Variants in RNF43 observed in about 807,000 individuals in gnomAD.
RNF43 encodes the protein E3 ubiquitin-protein ligase RNF43.
Under a neutral mutation model 78.4 loss-of-function variants are expected in RNF43, and 37 were observed. The ratio of observed to expected loss-of-function variants is 0.47; its 90% confidence interval spans 0.36 to 0.62. RNF43 has a LOEUF of 0.62. Ranked by LOEUF, RNF43 falls within the 20% of genes least tolerant of loss-of-function variation. The pLI, the probability that RNF43 is intolerant of heterozygous loss-of-function variation, is 0.00. For missense variants in RNF43, 774 were observed against 1,007.9 expected (o/e 0.77, Z 3.14); for synonymous variants, 347 against 395.0 (o/e 0.88, Z 1.44).
intron 2 of RNF43, among the ~76,000 whole-genome samples, chr17:58,381,362 C>T (rs1295183513): frequency 1.3e-5 from 2 of 152,340 alleles, no homozygotes; most frequent in Admixed American, 6.5e-5. Context: ...CCTTTGACCA[C>T]AGCTCTGAAT....
rs575697996 is a variant in RNF43, at chr17:58,391,100, C to G, written c.253-20067G>C. On this transcript the variant is annotated intron_variant, in intron 2 of 9. Transcript: ENST00000407977. ...CAGGGCCCAGCATTGTGCCTTGCAC[C>G]AGGGTTTAGTAATACTGAGTAATTG... Among the ~76,000 whole-genome samples, 210 of 152,238 alleles carry G rather than the reference C, an allele frequency of 1.4e-3. 1 individual carries two copies. The highest frequency in any genetic ancestry group is 0.014 in the Middle Eastern group (4 of 294).
At chr17:58,375,254 G>A (rs967845239) in intron 2 of RNF43, among the ~76,000 whole-genome samples, 1 of 152,048 alleles carries the variant, frequency 6.6e-6, no homozygotes, top group Non-Finnish European at 1.5e-5. Context: ...CTCTTACAAG[G>A]CTCCTCATAG....
At chr17:58,399,938 C>A (rs1567893745) in intron 2 of RNF43, among the ~76,000 whole-genome samples, 2 of 152,056 alleles carry the variant, frequency 1.3e-5, no homozygotes, top group African/African-American at 4.8e-5. Context: ...CCGCACCCAG[C>A]CAATAGCAGC....
At chr17:58,381,071 T>C (rs1323265498) in intron 2 of RNF43, among the ~76,000 whole-genome samples, 1 of 152,204 alleles carries the variant, frequency 6.6e-6, no homozygotes, top group Non-Finnish European at 1.5e-5. Flanking sequence ...ACACACAATA[T>C]TGTATTTACA....
chr17:58,412,941 C>A (rs1974052487), intron 2 of RNF43, among the ~76,000 whole-genome samples: 1 of 151,742 alleles, frequency 6.6e-6, no homozygotes, highest in African/African-American at 2.4e-5. Flanking sequence ...TAACAGGTAA[C>A]TACAACAATT....
chr17:58,381,385 G>A (rs1973314329), intron 2 of RNF43, among the ~76,000 whole-genome samples: 1 of 152,198 alleles, frequency 6.6e-6, no homozygotes, highest in Non-Finnish European at 1.5e-5. Flanking sequence ...TTGTCCATGC[G>A]GTGGCCCTAG....
intron 3 of RNF43, among the ~76,000 whole-genome samples, chr17:58,368,812 T>G (rs533589885): frequency 6.6e-6 from 1 of 152,264 alleles, no homozygotes; most frequent in East Asian, 1.9e-4. Context: ...TGTATTAACA[T>G]GTTGAACTAA....
chr17:58,365,992 T>A (rs1386931109), intron 3 of RNF43, among the ~76,000 whole-genome samples: 1 of 152,204 alleles, frequency 6.6e-6, no homozygotes, highest in African/African-American at 2.4e-5. Flanking sequence ...TCTCTGGGCC[T>A]TAGATTTTCT....
chr17:58,379,304 C>T (rs1973266817), intron 2 of RNF43, among the ~76,000 whole-genome samples: 1 of 152,154 alleles, frequency 6.6e-6, no homozygotes, highest in East Asian at 1.9e-4. Context: ...TTGTGCTCTG[C>T]CTCCCAGCCT....
chr17:58,382,956 T>G (rs191452033), intron 2 of RNF43, among the ~76,000 whole-genome samples: 55 of 152,330 alleles, frequency 3.6e-4, no homozygotes, highest in African/African-American at 1.3e-3. Flanking sequence ...TTAAGTTATT[T>G]TTTGAGAGAA....
intron 2 of RNF43, among the ~76,000 whole-genome samples, chr17:58,401,314 CTAG>C (rs1189628042): frequency 6.6e-6 from 1 of 152,220 alleles, no homozygotes; most frequent in Non-Finnish European, 1.5e-5. Flanking sequence ...ATCTGGAGAA[CTAG>C]TGGTACTAGT....
At chr17:58,362,964 G>A (rs528011703) in intron 5 of RNF43, among the ~76,000 whole-genome samples, 3 of 152,244 alleles carry the variant, frequency 2.0e-5, no homozygotes, top group Non-Finnish European at 4.4e-5. Flanking sequence ...TTCTTGGCCA[G>A]TAGAGAAGCC....
At chr17:58,402,556 A>G (rs1244155662) in intron 2 of RNF43, 1 of 152,228 alleles carries the variant, frequency 6.6e-6, no homozygotes, top group Non-Finnish European at 1.5e-5. Flanking sequence ...GATATTTAAG[A>G]GGGAGCCAAA....
At position 58,358,221 on chromosome 17, in the gene RNF43, G is replaced by A. The variant is rs747063415; in HGVS notation, c.1555C>T (p.Arg519Ter). ...VYCSPKGDPQ[R>*]VDMQPSVTSR... is the part of the protein sequence containing the mutation. ...GTCACACTAGGCTGCATGTCCACTC[G>A]CTGGGGATCCCCTTTAGGGCTGCAG... The change falls in exon 9 of 10, where the codon CGA becomes TGA. Residue 519 changes from arginine (R) to a stop codon, truncating the protein, a stop_gained. Transcript: ENST00000407977. LOFTEE classifies it high-confidence loss of function. This position sits in a 1 kb window ranked among gnomAD's most constrained non-coding sequence, Gnocchi z 6.2. 4.3e-6 allele frequency: 7 copies of A among 1,613,492 alleles called. No homozygotes were observed. The highest frequency in any genetic ancestry group is 2.2e-5 in the East Asian group (1 of 44,862).
At position 58,415,800 on chromosome 17, in the gene RNF43, C is replaced by T; in HGVS notation, c.-223G>A. The T allele has an allele frequency of 3.4e-6, 2 of 581,548 alleles. No individual in the cohort carries two copies. The highest frequency in any genetic ancestry group is 3.0e-5 in the Admixed American group (1 of 33,152). 36.0% of individuals were successfully genotyped at this position (581,548 alleles called of 1,614,324 possible). On this transcript the variant is annotated 5_prime_UTR_variant, in exon 2 of 10. Coordinates refer to ENST00000407977, the MANE Select transcript of RNF43 (RefSeq NM_017763.6). ...AGAGGATATTTTCAGCCCACATCTG[C>T]TGCAGGTATGTCATTTTCTCCCATC... is the stretch of plus-strand genomic sequence containing the variant.
intron 2 of RNF43, among the ~76,000 whole-genome samples, chr17:58,374,107 C>G (rs1265676080): frequency 6.6e-6 from 1 of 151,748 alleles, no homozygotes; most frequent in Non-Finnish European, 1.5e-5. Flanking sequence ...TGTTATTGTT[C>G]CCATTTTAAA....
Position 58,357,318 on chromosome 17 carries a change from C to T in RNF43, c.2308+150G>A, listed in dbSNP as rs115104831. On this transcript the variant is annotated intron_variant, in intron 9 of 9. Transcript: ENST00000407977. The surrounding 1 kb of genome is among the most constrained non-coding windows in gnomAD (Gnocchi z 4.5). ...TTCCTGCACTCTAGCCAGCATGATA[C>T]GCTGTCCCGATGGTTAAGTATTTTG... 1,354 of 982,038 alleles carry T rather than the reference C, an allele frequency of 1.4e-3. 10 individuals carry two copies. In the African/African-American group the frequency reaches 0.018, roughly 13 times the overall value. 60.8% of individuals were successfully genotyped at this position (982,038 alleles called of 1,614,324 possible). A position where few individuals can be genotyped will look rare whatever the true frequency, so the allele number is the denominator to read the frequency against.
intron 2 of RNF43, among the ~76,000 whole-genome samples, chr17:58,375,785 A>G (rs116249428): frequency 6.6e-6 from 1 of 152,380 alleles, no homozygotes; most frequent in African/African-American, 2.4e-5. Context: ...GAAGAATAAA[A>G]AAGAACGACA....
At chr17:58,361,916 T>C (rs1972841390) in intron 6 of RNF43, among the ~76,000 whole-genome samples, 1 of 152,176 alleles carries the variant, frequency 6.6e-6, no homozygotes, top group Non-Finnish European at 1.5e-5. Context: ...CTGGACTTGC[T>C]TTTAAAAATT....
Sources: allele counts gnomAD v4.1 joint callset (sites outside exome capture counted in the v4.1 genomes callset), GRCh38; gene constraint gnomAD v4.1.1; non-coding constraint Gnocchi (gnomAD v3.1); transcripts MANE v1.5; gene names NCBI Gene and HGNC (gene_info 2026-07-23, HGNC 2026-07-21).